The following INSL6 variants were observed in gnomAD, a reference collection of about 807,000 sequenced individuals.
The protein encoded by INSL6 is insulin-like peptide INSL6.
In INSL6, 16 loss-of-function variants were observed where a neutral mutation model predicts 9.4. The observed-to-expected ratio is 1.70, with a 90% CI of 1.15 to 2.59. INSL6 has a LOEUF of 2.59. Among genes scored for constraint, INSL6 ranks in the 30% most tolerant of loss-of-function variants. The probability of loss-of-function intolerance (pLI) is 0.00; values close to 1 mark genes in which losing one functional copy is unlikely to be tolerated. For missense variants in INSL6, 391 were observed against 257.3 expected (o/e 1.52, Z -3.56); for synonymous variants, 154 against 96.9 (o/e 1.59, Z -3.46).
the INSL6 span, chr9:5,080,411 T>C: frequency 6.4e-7 from 1 of 1,573,540 alleles, no homozygotes; most frequent in Non-Finnish European, 8.6e-7. Context: ...TTAGAATTAC[T>C]CTATCTCTGA....
At chr9:5,115,778 A>G in the INSL6 span, among the ~76,000 whole-genome samples, 9 of 152,204 alleles carry the variant, frequency 5.9e-5, no homozygotes, top group African/African-American at 2.2e-4. Flanking sequence ...AGATGAAGCT[A>G]GAAACCATAA....
chr9:5,073,744 A>G, the INSL6 span: 15 of 1,612,410 alleles, frequency 9.3e-6, no homozygotes, highest in Non-Finnish European at 1.3e-5. Flanking sequence ...TCTCACAAGC[A>G]TTTGGTTTTA....
chr9:5,024,234 C>T, the INSL6 span, among the ~76,000 whole-genome samples: 9 of 151,926 alleles, frequency 5.9e-5, no homozygotes, highest in Non-Finnish European at 8.8e-5. Context: ...CCAGCCTGGG[C>T]GACAGAGCGA....
chr9:5,124,352 T>C (rs545595631), exon 4 of INSL6, among the ~76,000 whole-genome samples: 73 of 151,912 alleles, frequency 4.8e-4, no homozygotes, highest in African/African-American at 1.7e-3. Flanking sequence ...AGATCTTACA[T>C]TTAAGTCTGT....
At chr9:5,002,233 A>G in the INSL6 span, among the ~76,000 whole-genome samples, 1 of 151,846 alleles carries the variant, frequency 6.6e-6, no homozygotes, top group Non-Finnish European at 1.5e-5. Context: ...TAGGAAGCTT[A>G]CATAATTAAT....
chr9:5,034,091 C>T, the INSL6 span, among the ~76,000 whole-genome samples: 4 of 152,090 alleles, frequency 2.6e-5, no homozygotes, highest in Admixed American at 6.5e-5. Context: ...GATTGCAATC[C>T]TAGTCTCGGA....
chr9:5,024,827 T>C, the INSL6 span, among the ~76,000 whole-genome samples: 4 of 152,098 alleles, frequency 2.6e-5, no homozygotes, highest in Non-Finnish European at 5.9e-5. Context: ...CAGTCCCCAG[T>C]CAGGGCAAAA....
chr9:5,124,132 G>A (rs114830459), exon 4 of INSL6, among the ~76,000 whole-genome samples: 71 of 151,902 alleles, frequency 4.7e-4, no homozygotes, highest in African/African-American at 1.7e-3. Context: ...TACAAAGTTT[G>A]CAAATATTTT....
the INSL6 span, among the ~76,000 whole-genome samples, chr9:5,075,460 T>C: frequency 6.6e-5 from 10 of 152,186 alleles, no homozygotes; most frequent in African/African-American, 2.2e-4. Flanking sequence ...CCAGCGCTCA[T>C]TTACCATTCC....
In INSL6 at chr9:5,123,888, C is replaced by CTT. The variant is rs543606211; in HGVS notation, c.*632_*633dup. On this transcript the variant is annotated 3_prime_UTR_variant, in exon 4 of 4. Transcript: ENST00000649639. ...ATATCTCACTGGGGTAATTTTTTCT[C>CTT]TTTTTTTTTTTTGTCATTCTGACTG... 4.7e-3 allele frequency among the ~76,000 whole-genome samples: 672 copies of CTT among 142,192 alleles called. 5 individuals are homozygous for CTT. Among genetic ancestry groups the CTT allele is most frequent in the African/African-American group, 0.017 (645 of 38,964 alleles). The allele number at this position is 142,192 out of a possible 152,430, so 93.3% of individuals were successfully genotyped here.
the INSL6 span, among the ~76,000 whole-genome samples, chr9:5,010,004 T>C: frequency 6.6e-6 from 1 of 152,206 alleles, no homozygotes; most frequent in Non-Finnish European, 1.5e-5. Context: ...AGCTCCAGGC[T>C]CAAACGATCC....
At chr9:5,066,612 A>T in the INSL6 span, 1 of 874,428 alleles carries the variant, frequency 1.1e-6, no homozygotes, top group Non-Finnish European at 1.9e-6. Context: ...ATTGTTTTAG[A>T]TGACACTTGG....
the INSL6 span, chr9:5,109,161 CAAT>C: frequency 6.6e-6 from 1 of 152,168 alleles, no homozygotes; most frequent in East Asian, 1.9e-4. Context: ...AATCACAACA[CAAT>C]GAGGGACACT....
intron 2 of INSL6, among the ~76,000 whole-genome samples, chr9:5,133,928 C>A (rs1021982309): frequency 6.7e-6 from 1 of 150,372 alleles, no homozygotes; most frequent in African/African-American, 2.5e-5. Context: ...TAACCCAATG[C>A]AAGGAAGCTA....
At chr9:5,022,061 T>C in the INSL6 span, 4 of 1,614,198 alleles carry the variant, frequency 2.5e-6, no homozygotes, top group Non-Finnish European at 3.4e-6. Context: ...AATGGTGATA[T>C]TTCTGGAAAT....
chr9:5,185,554 C>T lies in INSL6; in HGVS notation c.49G>A (p.Val17Ile). The T allele has an allele frequency of 6.2e-7, 1 of 1,614,028 alleles. No homozygotes were observed. The highest frequency in any genetic ancestry group is 8.5e-7 in the Non-Finnish European group (1 of 1,180,000). ...LSLLWLGLLL[V>I]RFSRELSDIS... The stretch of plus-strand genomic sequence containing the variant: ...TCGCTCAGTTCACGAGAAAACCGAA[C>T]CAGCAGGAGTCCAAGCCACAGCAGG... The change falls in exon 1 of 2, where the codon GTT becomes ATT. Residue 17 changes from valine to isoleucine, a missense_variant. Coordinates refer to ENST00000381641, the MANE Select transcript of INSL6 (RefSeq NM_007179.3).
the INSL6 span, among the ~76,000 whole-genome samples, chr9:5,062,816 C>T: frequency 4.6e-5 from 7 of 151,908 alleles, no homozygotes; most frequent in African/African-American, 1.2e-4. Context: ...TAATTAGAAC[C>T]TGAGATTGAG....
intron 2 of INSL6, among the ~76,000 whole-genome samples, chr9:5,139,877 T>C (rs904738846): frequency 6.6e-6 from 1 of 152,220 alleles, no homozygotes; most frequent in East Asian, 1.9e-4. Flanking sequence ...CAAATCTTTT[T>C]TGAAAGCTTG....
At chr9:5,055,781 A>C in the INSL6 span, 1 of 1,610,004 alleles carries the variant, frequency 6.2e-7, no homozygotes, top group Non-Finnish European at 8.5e-7. Context: ...CAAGATGGTA[A>C]AAATCTGGTA....
Sources: gnomAD v4.1 joint callset for allele counts (sites outside exome capture counted in the v4.1 genomes callset) on GRCh38, gnomAD v4.1.1 for gene constraint, MANE v1.5 for transcripts, NCBI Gene and HGNC (gene_info 2026-07-23, HGNC 2026-07-21) for gene names.